Variants in E2F2 observed in about 807,000 individuals in gnomAD.
E2F2 encodes the protein E2F transcription factor 2.
Under a neutral mutation model 42.2 loss-of-function variants are expected in E2F2, and 22 were observed. That is an observed-to-expected ratio of 0.52 (90% CI 0.37 to 0.74). The LOEUF is 0.74. Ranked by LOEUF, E2F2 falls within the 30% of genes least tolerant of loss-of-function variation. The probability of loss-of-function intolerance (pLI) is 0.00; values close to 1 mark genes in which losing one functional copy is unlikely to be tolerated. For missense variants in E2F2, 481 were observed against 557.8 expected, an observed-to-expected ratio of 0.86 and a Z score of 1.39; for synonymous variants, 248 against 251.6, an observed-to-expected ratio of 0.99 and a Z score of 0.13.
rs544817404 is a variant in E2F2, at chr1:23,518,692, C to T, written c.852+324G>A. Among the ~76,000 whole-genome samples the T allele has an allele frequency of 4.6e-5, 7 of 152,112 alleles. No individual in the cohort carries two copies. In the South Asian group the frequency reaches 1.0e-3, roughly 23 times the overall value. ...TTTTGGTCTTTAACCTGGGAAAGCACGGTCAGCATGAAAGGATTTTCATGA... is the reference window on the plus strand; with the variant it reads ...TTTTGGTCTTTAACCTGGGAAAGCATGGTCAGCATGAAAGGATTTTCATGA... On this transcript the variant is annotated intron_variant, in intron 5 of 6. Transcript: ENST00000361729.
rs1643083666 is a variant in E2F2, at chr1:23,519,030, G to C, written c.838C>G (p.Pro280Ala). 5.0e-6 allele frequency: 8 copies of C among 1,613,744 alleles called. No individual in the cohort carries two copies. Among genetic ancestry groups the C allele is most frequent in the Non-Finnish European group, 6.8e-6 (8 of 1,179,772 alleles). Residue 280 changes from proline to alanine, a missense_variant, in exon 5 of 7, where the codon CCC becomes GCC. By Grantham distance (27) the Pro-to-Ala change is conservative. Transcript: ENST00000361729. ...KAPPQTRLEV[P>A]DRTEDNLQIY... ...TCCCCTCTCACCTCAGTCCTGTCGG[G>C]CACTTCCAGTCTCGTCTGCGGAGGG...
At chr1:23,510,200 G>A in intron 6 of E2F2, 52 bp from the exon 7 acceptor site, 4 of 1,485,822 alleles carry the variant, frequency 2.7e-6, no homozygotes, top group South Asian at 1.4e-5. Flanking sequence ...CAACTCCTCA[G>A]CACGCGAGGA....
intron 1 of E2F2, among the ~76,000 whole-genome samples, chr1:23,526,851 G>GCACACACACA (rs3221150): frequency 0.02 from 2,986 of 148,800 alleles, 45 homozygotes; most frequent in East Asian, 0.089. Context: ...GCATGTACTT[G>GCACACACACA]CACACACACA....
intron 6 of E2F2, among the ~76,000 whole-genome samples, chr1:23,515,875 A>AT (rs1010700489): frequency 1.3e-5 from 2 of 150,272 alleles, no homozygotes; most frequent in Non-Finnish European, 3.0e-5. Context: ...TAATTTGTAA[A>AT]TTTTTTTATA....
intron 6 of E2F2, 46 bp downstream of exon 6, chr1:23,516,289 G>A (rs994173056): frequency 1.4e-6 from 2 of 1,424,692 alleles, no homozygotes; most frequent in Admixed American, 3.2e-5. Flanking sequence ...GAAAACTAAG[G>A]CCGGTCTCTC....
intron 6 of E2F2, among the ~76,000 whole-genome samples, chr1:23,515,060 T>C (rs1386731885): frequency 1.3e-5 from 2 of 152,200 alleles, no homozygotes; most frequent in Non-Finnish European, 2.9e-5. Context: ...TGCAGAGCCC[T>C]TCCAGCAAGC....
chr1:23,521,464 C>T, intron 3 of E2F2: 1 of 819,584 alleles, frequency 1.2e-6, no homozygotes, highest in Non-Finnish European at 1.5e-6. Context: ...GGAAGGAGTC[C>T]GGGATCCCCC....
At chr1:23,527,529 A>G (rs183867130) in intron 1 of E2F2, among the ~76,000 whole-genome samples, 14 of 152,352 alleles carry the variant, frequency 9.2e-5, no homozygotes, top group South Asian at 2.1e-4. Context: ...AGAGATCACC[A>G]GGCACAACCC....
At position 23,516,366 on chromosome 1, in the gene E2F2, G is replaced by T. The variant is rs374313756; in HGVS notation, c.1014C>A (p.Asp338Glu). ...PDSAQPSSSTDPSIMEPTASS... is the reference protein window; with the variant it reads ...PDSAQPSSSTEPSIMEPTASS... ...ATGCTGTGGGCTCCATGATGCTAGG[G>T]TCGGTGCTGCTGCTGGGCTGGGCAG... Residue 338 changes from aspartate (D) to glutamate (E), a missense_variant, in exon 6 of 7, where the codon GAC becomes GAA. Asp to Glu is a conservative substitution (Grantham distance 45). Transcript: ENST00000361729. 5 of 1,579,232 alleles carry T rather than the reference G, an allele frequency of 3.2e-6. No homozygotes were observed. In the South Asian group the frequency reaches 5.8e-5, roughly 18 times the overall value.
Position 23,530,629 on chromosome 1 carries a change from G to A in E2F2, c.165C>T (p.Pro55=). 2 of 1,613,232 alleles carry A rather than the reference G, an allele frequency of 1.2e-6. No homozygotes were observed. Among genetic ancestry groups the A allele is most frequent in the Admixed American group, 1.7e-5 (1 of 59,990 alleles). ...CGAGGCAGGTGCCTGGCGCCGCTGCGGGAGGCGCCGTCTGCGGGTACAGCG... is the reference window on the plus strand; with the variant it reads ...CGAGGCAGGTGCCTGGCGCCGCTGCAGGAGGCGCCGTCTGCGGGTACAGCG... The part of the protein sequence containing the change: ...YTPLYPQTAP[P]AAAPGTCLDA... Residue 55 remains proline, a synonymous_variant, in exon 1 of 7, where the codon CCC becomes CCT. Coordinates refer to ENST00000361729, the MANE Select transcript of E2F2 (RefSeq NM_004091.4). The surrounding 1 kb of genome is among the most constrained non-coding windows in gnomAD (Gnocchi z 4.4).
chr1:23,518,765 C>A (rs982344218), intron 5 of E2F2, among the ~76,000 whole-genome samples: 2 of 152,158 alleles, frequency 1.3e-5, no homozygotes, highest in Admixed American at 1.3e-4. Context: ...TGCGCAGGAA[C>A]CCAGGGCTGG....
chr1:23,518,965 C>T, intron 5 of E2F2, 51 bp downstream of exon 5: 1 of 1,497,040 alleles, frequency 6.7e-7, no homozygotes, highest in Non-Finnish European at 9.3e-7. Flanking sequence ...GCCTGGAACG[C>T]TCCCTGGCAG....
intron 6 of E2F2, 149 bp downstream of exon 6, chr1:23,516,186 C>T (rs1043937825): frequency 6.3e-6 from 7 of 1,105,512 alleles, no homozygotes; most frequent in Non-Finnish European, 8.3e-6. Context: ...CTTTATAAAG[C>T]ATTAAGTACA....
intron 1 of E2F2, among the ~76,000 whole-genome samples, chr1:23,529,704 CAG>C (rs1223544485): frequency 6.6e-6 from 1 of 152,344 alleles, no homozygotes; most frequent in African/African-American, 2.4e-5. Flanking sequence ...CAAGGACACA[CAG>C]AGAATTAGTG....
At position 23,530,626 on chromosome 1, in the gene E2F2, T is replaced by A. The variant is rs771600420; in HGVS notation, c.168A>T (p.Ala56=). ...TPLYPQTAPP[A]AAPGTCLDAT... Reference sequence around the variant, plus strand: ...CGTCGAGGCAGGTGCCTGGCGCCGCTGCGGGAGGCGCCGTCTGCGGGTACA... The same window carrying A: ...CGTCGAGGCAGGTGCCTGGCGCCGCAGCGGGAGGCGCCGTCTGCGGGTACA... The change falls in exon 1 of 7, where the codon GCA becomes GCT. Residue 56 remains alanine, a synonymous_variant. Transcript: ENST00000361729. The surrounding 1 kb of genome is among the most constrained non-coding windows in gnomAD (Gnocchi z 4.4). The A allele has an allele frequency of 6.2e-7, 1 of 1,613,154 alleles. No homozygotes were observed. Among genetic ancestry groups the A allele is most frequent in the Non-Finnish European group, 8.5e-7 (1 of 1,179,748 alleles).
Position 23,524,432 on chromosome 1 carries a change from TG to T in E2F2, c.308del (p.Pro103GlnfsTer43). The T allele has an allele frequency of 6.2e-7, 1 of 1,613,818 alleles. No individual in the cohort carries two copies. The highest frequency in any genetic ancestry group is 8.5e-7 in the Non-Finnish European group (1 of 1,179,886). ...GIGRPVVPEF[P>X]TPKGKCIRVD... ...CTCTGATGCACTTCCCCTTGGGGGT[TG>T]GGAACTCAGGGACGACGGGCCTCCC... On this transcript the variant is annotated frameshift_variant, in exon 2 of 7. Transcript: ENST00000361729. LOFTEE classifies it high-confidence loss of function.
At chr1:23,517,632 C>G (rs551258021) in intron 5 of E2F2, among the ~76,000 whole-genome samples, 13 of 152,332 alleles carry the variant, frequency 8.5e-5, no homozygotes, top group African/African-American at 2.9e-4. Context: ...GTAGAACATT[C>G]TCTTGTGAAG....
rs1298811001 is a variant in E2F2, at chr1:23,520,991, G to A, written c.659C>T (p.Thr220Met). 8 of 1,613,610 alleles carry A rather than the reference G, an allele frequency of 5.0e-6. No homozygotes were observed. Among genetic ancestry groups the A allele is most frequent in the Admixed American group, 1.7e-5 (1 of 59,960 alleles). Residue 220 changes from threonine to methionine, a missense_variant, in exon 4 of 7, where the codon ACG becomes ATG. Transcript: ENST00000361729. ...GATGAGCTGGTCCAAGGCCTGCTCC[G>A]TGTTCATCAGCTCCTTCAGCTCCTG... ...LGQELKELMN[T>M]EQALDQLIQS...
chr1:23,505,670 G>A (rs991649116), downstream of E2F2, among the ~76,000 whole-genome samples: 14 of 152,108 alleles, frequency 9.2e-5, no homozygotes, highest in African/African-American at 2.9e-4. Flanking sequence ...CTGCAACCAT[G>A]CCCGCTAATT....
Sources: allele counts gnomAD v4.1 joint callset (sites outside exome capture counted in the v4.1 genomes callset), GRCh38; gene constraint gnomAD v4.1.1; non-coding constraint Gnocchi (gnomAD v3.1); transcripts MANE v1.5; gene names NCBI Gene and HGNC (gene_info 2026-07-23, HGNC 2026-07-21).